Variants in EPS15L1 observed in about 807,000 individuals in gnomAD.
EPS15L1 encodes the protein epidermal growth factor receptor substrate 15-like 1.
In EPS15L1, 43 loss-of-function variants were observed where a neutral mutation model predicts 117.1. That is an observed-to-expected ratio of 0.37 (90% CI 0.29 to 0.47). The LOEUF (loss-of-function observed/expected upper bound fraction) is 0.47, where lower values mean the gene tolerates loss of function less well. Among genes scored for constraint, EPS15L1 ranks in the 20% least tolerant of loss-of-function variants. The probability of loss-of-function intolerance (pLI) is 0.99; values close to 1 mark genes in which losing one functional copy is unlikely to be tolerated. For synonymous variants in EPS15L1, 459 were observed against 470.5 expected, an observed-to-expected ratio of 0.98 and a Z score of 0.32; for missense variants, 981 against 1,164.0, an observed-to-expected ratio of 0.84 and a Z score of 2.29.
Position 16,381,645 on chromosome 19 carries a change from C to T in EPS15L1, c.2247+3484G>A, listed in dbSNP as rs2144723897. On this transcript the variant is annotated intron_variant, in intron 21 of 23. Coordinates refer to ENST00000455140, the MANE Select transcript of EPS15L1 (RefSeq NM_001258374.3). This position sits in a 1 kb window ranked among gnomAD's most constrained non-coding sequence, Gnocchi z 4.2. ...AAGCTGCGATTGGAATCTGGGAGTGCCCCCATCTGCTGCCCCAGTTGTCCC... is the reference window on the plus strand; with the variant it reads ...AAGCTGCGATTGGAATCTGGGAGTGTCCCCATCTGCTGCCCCAGTTGTCCC... 6.6e-6 allele frequency among the ~76,000 whole-genome samples: 1 copy of T among 152,310 alleles called. No homozygotes were observed. The highest frequency in any genetic ancestry group is 2.1e-4 in the South Asian group (1 of 4,826).
Position 16,403,932 on chromosome 19 carries a change from T to C in EPS15L1, c.1429-2A>G. The C allele has an allele frequency of 6.2e-7, 1 of 1,612,288 alleles. No individual in the cohort carries two copies. Among genetic ancestry groups the C allele is most frequent in the Non-Finnish European group, 8.5e-7 (1 of 1,178,668 alleles). On this transcript the variant is annotated splice_acceptor_variant, in intron 14 of 23. Transcript: ENST00000455140. LOFTEE classifies it high-confidence loss of function. ...GATTTGCGTTTTCAGTGATGAGATC[T>C]GAAATGAGATGTTAAAAGATGTTAA...
chr19:16,373,283 A>G (rs948706101), intron 22 of EPS15L1, among the ~76,000 whole-genome samples: 2 of 152,060 alleles, frequency 1.3e-5, no homozygotes, highest in African/African-American at 2.4e-5. Context: ...GGACCCACGC[A>G]TCTCGCGCAA....
chr19:16,468,453 C>G (rs1665719808), intron 1 of EPS15L1, among the ~76,000 whole-genome samples: 2 of 152,204 alleles, frequency 1.3e-5, no homozygotes. Context: ...TCAAGCGATT[C>G]TTGTGCCTCA....
At chr19:16,450,963 T>A (rs531174934) in intron 1 of EPS15L1, among the ~76,000 whole-genome samples, 117 of 152,086 alleles carry the variant, frequency 7.7e-4, no homozygotes, top group African/African-American at 2.7e-3. Context: ...GGCTCTTTTT[T>A]TTTTGAGACA....
At chr19:16,369,415 C>T (rs368415676) in intron 22 of EPS15L1, among the ~76,000 whole-genome samples, 8 of 152,248 alleles carry the variant, frequency 5.3e-5, no homozygotes, top group African/African-American at 9.6e-5. Flanking sequence ...ATATTTACTA[C>T]GAGCCACTGC....
chr19:16,409,252 A>G (rs982606873), intron 13 of EPS15L1, among the ~76,000 whole-genome samples: 12 of 152,244 alleles, frequency 7.9e-5, no homozygotes, highest in South Asian at 6.2e-4. Context: ...TTTAAAGTAA[A>G]ATAATAAAAA....
intron 9 of EPS15L1, among the ~76,000 whole-genome samples, chr19:16,421,936 C>A (rs552243852): frequency 2.6e-5 from 4 of 152,346 alleles, no homozygotes; most frequent in Non-Finnish European, 5.9e-5. Context: ...AGTGTCCTGT[C>A]CCAGGACTCT....
chr19:16,374,203 C>T (rs1224202835), intron 22 of EPS15L1, among the ~76,000 whole-genome samples: 1 of 152,180 alleles, frequency 6.6e-6, no homozygotes, highest in East Asian at 1.9e-4. Context: ...CTTTCCTCTT[C>T]CAGGAAATGG....
chr19:16,457,117 G>A (rs1051386589), intron 1 of EPS15L1, among the ~76,000 whole-genome samples: 1 of 152,184 alleles, frequency 6.6e-6, no homozygotes, highest in Non-Finnish European at 1.5e-5. Flanking sequence ...GGACTGCAGC[G>A]ACTCACAATG....
At chr19:16,411,536 A>G (rs1237362793) in intron 13 of EPS15L1, among the ~76,000 whole-genome samples, 1 of 152,218 alleles carries the variant, frequency 6.6e-6, no homozygotes, top group Non-Finnish European at 1.5e-5. Context: ...TGATTATGCG[A>G]AACACCACTG....
intron 1 of EPS15L1, among the ~76,000 whole-genome samples, chr19:16,468,165 G>A (rs1473334721): frequency 6.6e-6 from 1 of 152,096 alleles, no homozygotes; most frequent in Non-Finnish European, 1.5e-5. Context: ...ACAACACAGG[G>A]GAGGCCTCAA....
At chr19:16,427,005 A>G (rs1461883440) in intron 8 of EPS15L1, among the ~76,000 whole-genome samples, 1 of 152,190 alleles carries the variant, frequency 6.6e-6, no homozygotes, top group African/African-American at 2.4e-5. Context: ...GTGGATGAAG[A>G]GGCATCATGT....
At chr19:16,447,763 A>T (rs549144609) in intron 1 of EPS15L1, among the ~76,000 whole-genome samples, 1 of 144,724 alleles carries the variant, frequency 6.9e-6, no homozygotes, top group Admixed American at 7.0e-5. Flanking sequence ...TCATCTTCGG[A>T]AAAAAAAAAA....
At chr19:16,400,822 T>C in intron 16 of EPS15L1, 2 of 985,378 alleles carry the variant, frequency 2.0e-6, no homozygotes, top group South Asian at 9.4e-5. Context: ...GTTGGGGGAA[T>C]CACTGGCCAC....
intron 18 of EPS15L1, among the ~76,000 whole-genome samples, chr19:16,393,117 AT>A (rs2092497748): frequency 7.3e-6 from 1 of 136,100 alleles, no homozygotes; most frequent in Non-Finnish European, 1.6e-5. Context: ...AATAATAATA[AT>A]AATAATAAAC....
chr19:16,462,036 C>T (rs1406389270), intron 1 of EPS15L1, among the ~76,000 whole-genome samples: 1 of 152,222 alleles, frequency 6.6e-6, no homozygotes, highest in African/African-American at 2.4e-5. Flanking sequence ...AGCTCCTCGA[C>T]CCTCCCGGAG....
chr19:16,453,052 G>A lies in EPS15L1; in HGVS notation c.34-10833C>T, dbSNP rs111974305. On this transcript the variant is annotated intron_variant, in intron 1 of 23. Coordinates refer to ENST00000455140, the MANE Select transcript of EPS15L1 (RefSeq NM_001258374.3). ...CCTGACCTCATGATCTGCCCGCCTC[G>A]GTCTCCCAAAGTGCTGGGATTACAG... is the stretch of plus-strand genomic sequence containing the variant. Among the ~76,000 whole-genome samples, 1,038 of 151,818 alleles carry A rather than the reference G, an allele frequency of 6.8e-3. 4 individuals are homozygous for A. The highest frequency in any genetic ancestry group is 8.9e-3 in the Admixed American group (136 of 15,220).
At chr19:16,403,970 T>C (rs544913127) in intron 14 of EPS15L1, 40 bp from the exon 15 acceptor site, 1 of 1,564,190 alleles carries the variant, frequency 6.4e-7, no homozygotes, top group Non-Finnish European at 8.8e-7. Context: ...AGATTCACAG[T>C]GCAGGATGAA....
Position 16,361,965 on chromosome 19 carries a change from G to T in EPS15L1, c.2400C>A (p.Ser800Arg). Residue 800 changes from serine (S) to arginine (R), a missense_variant, in exon 23 of 24, where the codon AGC (serine) becomes AGA (arginine). Physicochemically the swap from Ser to Arg is moderately radical, Grantham distance 110. Around this residue, in one of 5 missense-constraint regions of EPS15L1, gnomAD observed 819 missense variants for 949.0 expected, o/e 0.86. Coordinates refer to ENST00000455140, the MANE Select transcript of EPS15L1 (RefSeq NM_001258374.3). ...CGGGAAAGTCTGCGGAACCAAGCTG[G>T]CTTACAGGTGTACTTTTACCTGGAA... ...KPPSGKSTPV[S>R]QLGSADFPEA... The T allele has an allele frequency of 6.2e-7, 1 of 1,605,240 alleles. No individual in the cohort carries two copies. The highest frequency in any genetic ancestry group is 8.5e-7 in the Non-Finnish European group (1 of 1,177,072).
Sources: gnomAD v4.1 joint callset for allele counts (sites outside exome capture counted in the v4.1 genomes callset) on GRCh38, gnomAD v4.1.1 for gene constraint, gnomAD v4.1.1 regional missense constraint, Gnocchi (gnomAD v3.1) non-coding constraint, MANE v1.5 for transcripts, NCBI Gene and HGNC (gene_info 2026-07-23, HGNC 2026-07-21) for gene names.